Variants in VAT1L observed in about 807,000 individuals in gnomAD.
VAT1L encodes the protein putative NADPH-dependent quinone oxidoreductase VAT1L.
VAT1L carries 34 observed loss-of-function variants against 44.1 expected under a neutral mutation model. The ratio of observed to expected loss-of-function variants is 0.77; its 90% CI spans 0.59 to 1.03. VAT1L has a LOEUF of 1.03. Ranked by LOEUF, VAT1L falls within the 50% of genes least tolerant of loss-of-function variation. VAT1L has a pLI of 0.00. For synonymous variants in VAT1L, 253 were observed against 202.2 expected (o/e 1.25, Z -2.13); for missense variants, 615 against 538.8 (o/e 1.14, Z -1.40).
chr16:77,892,026 C>T lies in VAT1L; in HGVS notation c.1077+7224C>T, dbSNP rs911003686. ...GGCGGAGGTTGCAGTGAGCTGAGATCCCGCCACTGCACTCCAGCCTGGGTG... is the reference window on the plus strand; with the variant it reads ...GGCGGAGGTTGCAGTGAGCTGAGATTCCGCCACTGCACTCCAGCCTGGGTG... On this transcript the variant is annotated intron_variant, in intron 7 of 8. Transcript: ENST00000302536. Among the ~76,000 whole-genome samples, 5 of 152,240 alleles carry T rather than the reference C, an allele frequency of 3.3e-5. No individual in the cohort carries two copies. In the South Asian group the frequency reaches 1.0e-3, roughly 32 times the overall value.
chr16:77,966,999 C>T (rs1291359609), intron 7 of VAT1L, among the ~76,000 whole-genome samples: 3 of 150,530 alleles, frequency 2.0e-5, no homozygotes, highest in Non-Finnish European at 2.9e-5. Flanking sequence ...AAGTCTCCCA[C>T]GTGCTACTGA....
intron 1 of VAT1L, among the ~76,000 whole-genome samples, chr16:77,812,974 T>C (rs1377811131): frequency 6.6e-6 from 1 of 152,140 alleles, no homozygotes; most frequent in African/African-American, 2.4e-5. Flanking sequence ...CAACACTATT[T>C]CTTTTTTTGC....
chr16:77,951,238 A>G (rs2018038773), intron 7 of VAT1L, among the ~76,000 whole-genome samples: 1 of 152,150 alleles, frequency 6.6e-6, no homozygotes, highest in Non-Finnish European at 1.5e-5. Context: ...GTGGAAGGGT[A>G]ATTTGTAGTT....
intron 7 of VAT1L, among the ~76,000 whole-genome samples, chr16:77,912,495 G>A (rs1170454065): frequency 6.6e-6 from 1 of 152,026 alleles, no homozygotes; most frequent in Non-Finnish European, 1.5e-5. Flanking sequence ...ACGGCTCACT[G>A]CAGCCTCAAC....
At chr16:77,945,175 G>C (rs1044748974) in intron 7 of VAT1L, among the ~76,000 whole-genome samples, 15 of 151,104 alleles carry the variant, frequency 9.9e-5, no homozygotes, top group African/African-American at 3.4e-4. Flanking sequence ...ACAAACCCAA[G>C]AACTGTTCTA....
intron 7 of VAT1L, among the ~76,000 whole-genome samples, chr16:77,928,029 A>G (rs2017689374): frequency 6.6e-6 from 1 of 152,142 alleles, no homozygotes; most frequent in South Asian, 2.1e-4. Context: ...CCTCTTCCAT[A>G]CAATATCAGA....
At chr16:77,821,492 C>T (rs1436966194) in intron 2 of VAT1L, among the ~76,000 whole-genome samples, 1 of 151,998 alleles carries the variant, frequency 6.6e-6, no homozygotes, top group African/African-American at 2.4e-5. Flanking sequence ...AGAGTTTCAC[C>T]ATGTTGGCCA....
At chr16:77,947,231 G>C (rs10454707) in intron 7 of VAT1L, among the ~76,000 whole-genome samples, 60,067 of 152,002 alleles carry the variant, frequency 0.4, 12,255 homozygotes, top group East Asian at 0.63. Flanking sequence ...AAGACCATCT[G>C]CTTCTAGTGC....
intron 7 of VAT1L, among the ~76,000 whole-genome samples, chr16:77,906,472 A>G (rs2017438030): frequency 1.3e-5 from 2 of 152,238 alleles, no homozygotes; most frequent in African/African-American, 4.8e-5. Flanking sequence ...ATCGCCTCAA[A>G]TCAGAGCCTG....
intron 1 of VAT1L, among the ~76,000 whole-genome samples, chr16:77,815,855 C>T (rs1307086677): frequency 1.3e-5 from 2 of 151,594 alleles, no homozygotes; most frequent in Non-Finnish European, 2.9e-5. Context: ...GTAATCCCAG[C>T]TACTTGGGAG....
chr16:77,920,352 T>G (rs1043812777), intron 7 of VAT1L, among the ~76,000 whole-genome samples: 1 of 152,120 alleles, frequency 6.6e-6, no homozygotes, highest in Non-Finnish European at 1.5e-5. Context: ...CCAGAAGTGA[T>G]AGCCTGTATC....
chr16:77,823,428 A>G (rs2016483741), intron 2 of VAT1L, among the ~76,000 whole-genome samples: 1 of 152,118 alleles, frequency 6.6e-6, no homozygotes, highest in Non-Finnish European at 1.5e-5. Context: ...GCTGTACCTC[A>G]TTTACAGTTT....
chr16:77,915,896 A>G (rs971709075), intron 7 of VAT1L, among the ~76,000 whole-genome samples: 9 of 152,164 alleles, frequency 5.9e-5, no homozygotes, highest in African/African-American at 2.2e-4. Flanking sequence ...TGCGAAGTGC[A>G]TTGTCAAGCC....
chr16:77,824,475 G>A (rs571087693), intron 2 of VAT1L, among the ~76,000 whole-genome samples: 1 of 152,202 alleles, frequency 6.6e-6, no homozygotes, highest in East Asian at 1.9e-4. Flanking sequence ...ATGATTGTGG[G>A]CCAGGCACGG....
At chr16:77,929,570 A>C (rs941498644) in intron 7 of VAT1L, among the ~76,000 whole-genome samples, 1 of 152,208 alleles carries the variant, frequency 6.6e-6, no homozygotes. Flanking sequence ...CCAAATAGTC[A>C]ACATATCTCA....
chr16:77,949,957 G>C (rs148557177), intron 7 of VAT1L, among the ~76,000 whole-genome samples: 5 of 152,326 alleles, frequency 3.3e-5, no homozygotes, highest in African/African-American at 4.8e-5. Flanking sequence ...TCTAATGAAA[G>C]ATTCCAGATG....
chr16:77,927,922 C>G (rs1255695276), intron 7 of VAT1L, among the ~76,000 whole-genome samples: 1 of 152,128 alleles, frequency 6.6e-6, no homozygotes, highest in South Asian at 2.1e-4. Context: ...AAAATTCTTA[C>G]CACTAGTATC....
At chr16:77,812,284 G>T (rs2016279004) in intron 1 of VAT1L, among the ~76,000 whole-genome samples, 1 of 152,072 alleles carries the variant, frequency 6.6e-6, no homozygotes, top group African/African-American at 2.4e-5. Flanking sequence ...TGTTGGCCAG[G>T]CTGGTCTCGA....
chr16:77,947,917 G>A (rs978386974), intron 7 of VAT1L, among the ~76,000 whole-genome samples: 4 of 152,056 alleles, frequency 2.6e-5, no homozygotes, highest in African/African-American at 7.2e-5. Flanking sequence ...GTGCCACCAC[G>A]CCCAGCTAAT....
Sources: gnomAD v4.1 joint callset for allele counts (sites outside exome capture counted in the v4.1 genomes callset) on GRCh38, gnomAD v4.1.1 for gene constraint, MANE v1.5 for transcripts, NCBI Gene and HGNC (gene_info 2026-07-23, HGNC 2026-07-21) for gene names.